The following RUNDC3B variants were observed in gnomAD, a reference collection of about 807,000 sequenced individuals.
The protein encoded by RUNDC3B is RUN domain containing 3B.
A neutral mutation model predicts 58.4 loss-of-function variants in RUNDC3B; 33 were observed. The observed-to-expected ratio is 0.56, with a 90% CI of 0.43 to 0.75. The LOEUF (loss-of-function observed/expected upper bound fraction) is 0.75. RUNDC3B is among the 30% of genes least tolerant of loss of function. The probability of loss-of-function intolerance (pLI) is 0.00; values close to 1 mark genes in which losing one functional copy is unlikely to be tolerated. For missense variants in RUNDC3B, 501 were observed against 535.7 expected (o/e 0.94, Z 0.64); for synonymous variants, 193 against 195.2 (o/e 0.99, Z 0.10).
chr7:87,784,690 G>T (rs896294285), intron 8 of RUNDC3B, among the ~76,000 whole-genome samples: 1 of 150,204 alleles, frequency 6.7e-6, no homozygotes, highest in African/African-American at 2.5e-5. Context: ...TTTGGGGGAG[G>T]GAGAGATGTG....
intron 3 of RUNDC3B, among the ~76,000 whole-genome samples, chr7:87,706,395 T>C (rs1829588939): frequency 6.6e-6 from 1 of 152,086 alleles, no homozygotes; most frequent in Admixed American, 6.6e-5. Flanking sequence ...GAGAATTTAT[T>C]GAGAAGGGTG....
intron 3 of RUNDC3B, among the ~76,000 whole-genome samples, chr7:87,701,121 G>A (rs1374843640): frequency 6.6e-6 from 1 of 152,220 alleles, no homozygotes; most frequent in Non-Finnish European, 1.5e-5. Context: ...ACTGAAATAT[G>A]ATGGTTGCTT....
chr7:87,660,903 A>G (rs187340135), intron 2 of RUNDC3B, among the ~76,000 whole-genome samples: 1 of 152,094 alleles, frequency 6.6e-6, no homozygotes, highest in East Asian at 1.9e-4. Flanking sequence ...TAATTGAGTT[A>G]TAGTCAGAAT....
intron 4 of RUNDC3B, among the ~76,000 whole-genome samples, chr7:87,732,795 TTAAC>T (rs1287465192): frequency 6.6e-6 from 1 of 152,178 alleles, no homozygotes; most frequent in African/African-American, 2.4e-5. Context: ...AAGTAATTCT[TTAAC>T]ATAACATTTG....
intron 1 of RUNDC3B, among the ~76,000 whole-genome samples, chr7:87,639,317 A>G (rs1822195994): frequency 6.6e-6 from 1 of 152,210 alleles, no homozygotes; most frequent in Non-Finnish European, 1.5e-5. Context: ...GATGCAGTAT[A>G]TGGTTAATTT....
intron 4 of RUNDC3B, among the ~76,000 whole-genome samples, chr7:87,736,950 T>G (rs892948767): frequency 7.6e-6 from 1 of 131,654 alleles, no homozygotes; most frequent in African/African-American, 2.9e-5. Flanking sequence ...CAGGCTGGAG[T>G]GCAGTGGGAC....
At chr7:87,714,042 CAGAG>C (rs1054093039) in intron 4 of RUNDC3B, among the ~76,000 whole-genome samples, 1 of 151,988 alleles carries the variant, frequency 6.6e-6, no homozygotes, top group Non-Finnish European at 1.5e-5. Flanking sequence ...TGAGCTGTCA[CAGAG>C]AGAAAAAATG....
chr7:87,667,056 A>G (rs1244388190), intron 2 of RUNDC3B, among the ~76,000 whole-genome samples: 2 of 152,210 alleles, frequency 1.3e-5, no homozygotes, highest in East Asian at 3.8e-4. Flanking sequence ...TAGGAATAGC[A>G]TTGAATCTAT....
At chr7:87,749,467 T>C (rs1413029278) in intron 6 of RUNDC3B, among the ~76,000 whole-genome samples, 2 of 152,150 alleles carry the variant, frequency 1.3e-5, no homozygotes, top group African/African-American at 4.8e-5. Context: ...AGAATAGAAA[T>C]ACCAATTCAA....
chr7:87,736,673 A>C (rs1390172577), intron 4 of RUNDC3B, among the ~76,000 whole-genome samples: 1 of 150,574 alleles, frequency 6.6e-6, no homozygotes, highest in African/African-American at 2.4e-5. Context: ...CTCTAATATA[A>C]AAATCTTTAA....
intron 6 of RUNDC3B, among the ~76,000 whole-genome samples, chr7:87,751,148 A>G (rs1056991858): frequency 2.5e-4 from 38 of 152,078 alleles, no homozygotes; most frequent in African/African-American, 8.9e-4. Context: ...TCCTTTCCCC[A>G]TTGCTTGTTT....
At chr7:87,701,311 C>G (rs1461664668) in intron 3 of RUNDC3B, among the ~76,000 whole-genome samples, 1 of 152,126 alleles carries the variant, frequency 6.6e-6, no homozygotes, top group African/African-American at 2.4e-5. Context: ...AAACAGCTGA[C>G]AGTATTTGTT....
At chr7:87,662,823 A>G (rs1259179292) in intron 2 of RUNDC3B, among the ~76,000 whole-genome samples, 1 of 152,140 alleles carries the variant, frequency 6.6e-6, no homozygotes, top group Non-Finnish European at 1.5e-5. Context: ...ATTGCATTGA[A>G]TATGTATACT....
chr7:87,817,823 C>T (rs574381488), intron 10 of RUNDC3B, among the ~76,000 whole-genome samples: 2 of 152,242 alleles, frequency 1.3e-5, no homozygotes, highest in Admixed American at 6.5e-5. Flanking sequence ...TCATTTTCAC[C>T]AGTGTATGAA....
intron 4 of RUNDC3B, among the ~76,000 whole-genome samples, chr7:87,732,894 CAG>C (rs1831674539): frequency 2.6e-5 from 4 of 152,096 alleles, no homozygotes; most frequent in South Asian, 2.1e-4. Flanking sequence ...TAATTTCTAA[CAG>C]AGCCTTAAAA....
At chr7:87,720,563 TG>T (rs1830819519) in intron 4 of RUNDC3B, among the ~76,000 whole-genome samples, 1 of 151,602 alleles carries the variant, frequency 6.6e-6, no homozygotes, top group African/African-American at 2.4e-5. Flanking sequence ...TGTGTGTGTG[TG>T]TGTGTGTGTG....
At chr7:87,723,497 T>C (rs1442073576) in intron 4 of RUNDC3B, among the ~76,000 whole-genome samples, 1 of 152,162 alleles carries the variant, frequency 6.6e-6, no homozygotes, top group Non-Finnish European at 1.5e-5. Flanking sequence ...TCCAATGCAA[T>C]GCAAATGTTC....
chr7:87,640,127 A>C (rs955399020), intron 1 of RUNDC3B, among the ~76,000 whole-genome samples: 1 of 149,958 alleles, frequency 6.7e-6, no homozygotes, highest in Non-Finnish European at 1.5e-5. Flanking sequence ...AACTTTTACT[A>C]CTTCTCCAAT....
At chr7:87,715,824 A>G (rs186436936) in intron 4 of RUNDC3B, among the ~76,000 whole-genome samples, 2 of 152,060 alleles carry the variant, frequency 1.3e-5, no homozygotes, top group East Asian at 1.9e-4. Flanking sequence ...TAACTGACCA[A>G]TTACTGAAGG....
Sources: gnomAD v4.1 joint callset for allele counts (sites outside exome capture counted in the v4.1 genomes callset) on GRCh38, gnomAD v4.1.1 for gene constraint, MANE v1.5 for transcripts, NCBI Gene and HGNC (gene_info 2026-07-23, HGNC 2026-07-21) for gene names.